AGTPBP1: variants seen among roughly 807,000 people sequenced by gnomAD.
AGTPBP1 encodes cytosolic carboxypeptidase 1.
Under a neutral mutation model 143.9 loss-of-function variants are expected in AGTPBP1, and 70 were observed. The observed-to-expected ratio is 0.49, with a 90% CI of 0.40 to 0.59. The LOEUF is 0.59. AGTPBP1 is among the 20% of genes least tolerant of loss of function. The pLI is 0.00. For synonymous variants in AGTPBP1, 463 were observed against 500.2 expected, an observed-to-expected ratio of 0.93 and a Z score of 0.99; for missense variants, 1,229 against 1,464.5, an observed-to-expected ratio of 0.84 and a Z score of 2.62.
At chr9:85,783,140 A>G in the AGTPBP1 span, among the ~76,000 whole-genome samples, 9 of 152,190 alleles carry the variant, frequency 5.9e-5, no homozygotes, top group African/African-American at 2.2e-4. Context: ...TGGCTCTTTA[A>G]CCAAACACAC....
chr9:85,701,860 T>C (rs1433238852), intron 2 of AGTPBP1, among the ~76,000 whole-genome samples: 6 of 152,224 alleles, frequency 3.9e-5, no homozygotes, highest in African/African-American at 9.6e-5. Flanking sequence ...CAAAGGTTAG[T>C]GTCTGCTTTC....
At chr9:85,735,319 C>CA (rs1839172008) in intron 1 of AGTPBP1, among the ~76,000 whole-genome samples, 1 of 152,110 alleles carries the variant, frequency 6.6e-6, no homozygotes, top group Non-Finnish European at 1.5e-5. Context: ...GTGACCTACT[C>CA]AGAGTTGTCA....
the AGTPBP1 span, chr9:85,756,140 T>C: frequency 1.6e-5 from 25 of 1,612,334 alleles, no homozygotes; most frequent in Non-Finnish European, 2.1e-5. Flanking sequence ...ATGCCAAGAA[T>C]TAGAGGAGCT....
the AGTPBP1 span, among the ~76,000 whole-genome samples, chr9:85,782,391 T>C: frequency 1.3e-5 from 2 of 152,072 alleles, no homozygotes; most frequent in African/African-American, 2.4e-5. Context: ...GGTGCATGCC[T>C]GTAATCCCAG....
rs1444744418 is a variant in AGTPBP1, at chr9:85,633,393, GT to G, written c.1303-20del. On this transcript the variant is annotated intron_variant, in intron 13 of 25. Coordinates refer to ENST00000357081, the MANE Select transcript of AGTPBP1 (RefSeq NM_001330701.2). Reference sequence around the variant, plus strand: ...CATAGTCCTTTGAAAATAAAAACATGTTTAATCTTTTAACTGTAAATATTAA... The same window carrying G: ...CATAGTCCTTTGAAAATAAAAACATGTTAATCTTTTAACTGTAAATATTAA... The G allele has an allele frequency of 6.8e-7, 1 of 1,472,110 alleles. No individual in the cohort carries two copies. The highest frequency in any genetic ancestry group is 9.1e-7 in the Non-Finnish European group (1 of 1,098,812). The allele number at this position is 1,472,110 out of a possible 1,614,324, so 91.2% of individuals were successfully genotyped here. A position where few individuals can be genotyped will look rare whatever the true frequency, so the allele number is the denominator to read the frequency against.
chr9:85,699,765 T>C (rs1341136213), intron 2 of AGTPBP1, among the ~76,000 whole-genome samples: 1 of 152,226 alleles, frequency 6.6e-6, no homozygotes, highest in African/African-American at 2.4e-5. Flanking sequence ...ACATTTTTAC[T>C]GTTTCTCTCC....
the AGTPBP1 span, among the ~76,000 whole-genome samples, chr9:85,798,055 CTATT>C: frequency 6.9e-6 from 1 of 144,616 alleles, no homozygotes; most frequent in Non-Finnish European, 1.5e-5. Flanking sequence ...ACCACATCGG[CTATT>C]TTTTTTTTTT....
At chr9:85,741,733 G>T in intron 1 of AGTPBP1, 42 bp downstream of exon 1, 3 of 1,281,882 alleles carry the variant, frequency 2.3e-6, no homozygotes, top group South Asian at 2.4e-5. Flanking sequence ...GAGAGCAGAG[G>T]GACGGCCGGC....
intron 25 of AGTPBP1, among the ~76,000 whole-genome samples, chr9:85,561,196 T>A (rs781218210): frequency 6.6e-6 from 1 of 152,038 alleles, no homozygotes; most frequent in Admixed American, 6.6e-5. Context: ...ACCCCGTTTC[T>A]ATTAAAAATA....
At chr9:85,757,493 C>CA in the AGTPBP1 span, among the ~76,000 whole-genome samples, 1 of 151,590 alleles carries the variant, frequency 6.6e-6, no homozygotes, top group Non-Finnish European at 1.5e-5. Context: ...CAAAAGATTA[C>CA]AAAAAAAGAA....
the AGTPBP1 span, among the ~76,000 whole-genome samples, chr9:85,778,956 A>G: frequency 6.6e-6 from 1 of 152,158 alleles, no homozygotes; most frequent in East Asian, 1.9e-4. Flanking sequence ...ATTTTGCATA[A>G]TTCTGTAAAC....
At chr9:85,654,503 T>C (rs1833369426) in intron 11 of AGTPBP1, among the ~76,000 whole-genome samples, 1 of 152,062 alleles carries the variant, frequency 6.6e-6, no homozygotes, top group Non-Finnish European at 1.5e-5. Flanking sequence ...AACCCGAACA[T>C]AATTTACCTA....
Position 85,592,672 on chromosome 9 carries a change from C to T in AGTPBP1, c.2456G>A (p.Gly819Asp). The T allele has an allele frequency of 1.2e-6, 2 of 1,610,820 alleles. No individual in the cohort carries two copies. Among genetic ancestry groups the T allele is most frequent in the Non-Finnish European group, 1.7e-6 (2 of 1,178,858 alleles). ...ATAGTAGGATTTTCCCTTTTGCCCA[C>T]CTGCAGCAACTGAACTTCTTGAGAA... ...NHFSRSSVAA[G>D]GQKGKSYYTI... The change falls in exon 19 of 26, where the codon GGT (glycine) becomes GAT (aspartate). Residue 819 changes from glycine to aspartate, a missense_variant. Transcript: ENST00000357081.
At chr9:85,613,839 C>T (rs1830457673) in intron 17 of AGTPBP1, among the ~76,000 whole-genome samples, 1 of 151,908 alleles carries the variant, frequency 6.6e-6, no homozygotes, top group Non-Finnish European at 1.5e-5. Flanking sequence ...TGATGTAAAA[C>T]CTTTAAACAA....
chr9:85,618,420 C>G (rs1250998845), intron 17 of AGTPBP1, among the ~76,000 whole-genome samples: 1 of 151,926 alleles, frequency 6.6e-6, no homozygotes, highest in Non-Finnish European at 1.5e-5. Flanking sequence ...TACCATGATA[C>G]CAAAAGCAGA....
upstream of AGTPBP1, chr9:85,742,112 C>G (rs1055059103): frequency 4.5e-5 from 43 of 954,222 alleles, no homozygotes; most frequent in South Asian, 4.6e-4. Flanking sequence ...TTGTTACCTC[C>G]GTGCGCGCTG....
At chr9:85,580,397 T>G (rs1293773094) in intron 23 of AGTPBP1, among the ~76,000 whole-genome samples, 1 of 148,620 alleles carries the variant, frequency 6.7e-6, no homozygotes, top group Non-Finnish European at 1.5e-5. Context: ...CATTCTAAAG[T>G]TTTTTTTTTG....
chr9:85,686,054 T>A (rs1442097238), intron 3 of AGTPBP1, among the ~76,000 whole-genome samples: 1 of 151,876 alleles, frequency 6.6e-6, no homozygotes, highest in Non-Finnish European at 1.5e-5. Context: ...AGAAAAGGAA[T>A]AAAAAACATA....
chr9:85,709,179 A>G (rs1837207414), intron 2 of AGTPBP1, among the ~76,000 whole-genome samples: 1 of 152,236 alleles, frequency 6.6e-6, no homozygotes, highest in Non-Finnish European at 1.5e-5. Flanking sequence ...ATATTTGAAC[A>G]TCATTCAATA....
Sources: gnomAD v4.1 joint callset for allele counts (sites outside exome capture counted in the v4.1 genomes callset) on GRCh38, gnomAD v4.1.1 for gene constraint, MANE v1.5 for transcripts, NCBI Gene and HGNC (gene_info 2026-07-23, HGNC 2026-07-21) for gene names.